Variants in FUNDC1 observed in about 807,000 individuals in gnomAD.
The protein encoded by FUNDC1 is FUN14 domain-containing protein 1.
Under a neutral mutation model 14.5 loss-of-function variants are expected in FUNDC1, and 10 were observed. The ratio of observed to expected loss-of-function variants is 0.69; its 90% CI spans 0.43 to 1.17. The LOEUF is 1.17. Ranked by LOEUF, FUNDC1 falls within the 50% of genes most tolerant of loss-of-function variation. The pLI is 0.00. For missense variants in FUNDC1, 115 were observed against 113.8 expected (o/e 1.01, Z -0.05); for synonymous variants, 33 against 39.7 (o/e 0.83, Z 0.64).
At chrX:44,527,728 T>C (rs2038907844) in intron 3 of FUNDC1, among the ~76,000 whole-genome samples, 1 of 111,954 alleles carries the variant, frequency 8.9e-6, no homozygotes, top group African/African-American at 3.2e-5. Flanking sequence ...CCTTTTGGAA[T>C]AGGGAATTAG....
chrX:44,539,022 C>T (rs965336812), intron 2 of FUNDC1, among the ~76,000 whole-genome samples: 5 of 111,802 alleles, frequency 4.5e-5, no homozygotes, highest in Middle Eastern at 9.3e-3. Context: ...TTCTTCCTAG[C>T]TCTACCTATC....
At chrX:44,529,558 G>A (rs958345279) in intron 3 of FUNDC1, among the ~76,000 whole-genome samples, 1 of 111,304 alleles carries the variant, frequency 9.0e-6, no homozygotes, top group African/African-American at 3.3e-5. Context: ...TATATCCCTA[G>A]AGTCCCAACT....
intron 4 of FUNDC1, 56 bp downstream of exon 4, chrX:44,527,181 C>T: frequency 1.1e-6 from 1 of 945,195 alleles, no homozygotes; most frequent in East Asian, 3.2e-5. Flanking sequence ...TAAGGGATAC[C>T]CATTAACCAA....
At chrX:44,536,137 C>A (rs1470568742) in intron 3 of FUNDC1, among the ~76,000 whole-genome samples, 2 of 109,571 alleles carry the variant, frequency 1.8e-5, no homozygotes, top group East Asian at 5.7e-4. Context: ...GATGGTGAAA[C>A]CCCATCTCTA....
chrX:44,535,218 T>C (rs1273837685), intron 3 of FUNDC1, among the ~76,000 whole-genome samples: 3 of 110,646 alleles, frequency 2.7e-5, no homozygotes, highest in Non-Finnish European at 5.7e-5. Flanking sequence ...CCAGAAGGTA[T>C]TGAAGAGAGA....
In FUNDC1 at chrX:44,541,501, C is replaced by G. The variant is rs60924976; in HGVS notation, c.185+444G>C. Reference sequence around the variant, plus strand: ...TCTGTATCATCACCAATAATTCATACTGAGCATTTTACACTGCTCTGTACA... The same window carrying G: ...TCTGTATCATCACCAATAATTCATAGTGAGCATTTTACACTGCTCTGTACA... On this transcript the variant is annotated intron_variant, in intron 2 of 4. Transcript: ENST00000378045. Among the ~76,000 whole-genome samples, 94 of 112,154 alleles carry G rather than the reference C, an allele frequency of 8.4e-4. No homozygotes were observed. In the East Asian group the frequency reaches 0.024, roughly 29 times the overall value.
In FUNDC1 at chrX:44,538,541, A is replaced by T. The variant is rs1601904096; in HGVS notation, c.187T>A (p.Cys63Ser). ...QIVMGGVTGW[C>S]AGFLFQKVGK... ...ACTTTCTGGAACAGAAATCCTGCAC[A>T]CCTTTAATCAAATAACAAAAGATGA... The change falls in exon 3 of 5, where the codon TGT becomes AGT. Residue 63 changes from cysteine to serine, a missense_variant and splice_region_variant. Physicochemically the swap from Cys to Ser is moderately radical, Grantham distance 112. Transcript: ENST00000378045. 1 of 1,186,027 alleles carries T rather than the reference A, an allele frequency of 8.4e-7. No homozygotes were observed. Among genetic ancestry groups the T allele is most frequent in the East Asian group, 3.0e-5 (1 of 33,747 alleles).
intron 3 of FUNDC1, among the ~76,000 whole-genome samples, chrX:44,535,530 C>CTT: frequency 9.4e-6 from 1 of 106,769 alleles, no homozygotes; most frequent in African/African-American, 3.4e-5. Context: ...GTTAGCCGGG[C>CTT]TTGGTGGCGG....
intron 2 of FUNDC1, among the ~76,000 whole-genome samples, chrX:44,541,431 CAA>C (rs2038970899): frequency 9.0e-6 from 1 of 111,241 alleles, no homozygotes; most frequent in African/African-American, 3.3e-5. Flanking sequence ...AGCTCTTTTT[CAA>C]AGAGTTATCA....
chrX:44,531,868 T>C (rs1378647986), intron 3 of FUNDC1, among the ~76,000 whole-genome samples: 1 of 109,729 alleles, frequency 9.1e-6, no homozygotes, highest in Non-Finnish European at 1.9e-5. Flanking sequence ...AAAGAGCTCT[T>C]AATGGCCAAA....
intron 4 of FUNDC1, among the ~76,000 whole-genome samples, chrX:44,526,992 C>T (rs5953431): frequency 9.4e-6 from 1 of 106,744 alleles, no homozygotes; most frequent in African/African-American, 3.4e-5. Context: ...TTAGTTTTTA[C>T]AACAAGATCA....
chrX:44,527,225 A>T lies in FUNDC1; in HGVS notation c.390+12T>A. 1 of 1,139,922 alleles carries T rather than the reference A, an allele frequency of 8.8e-7. No individual in the cohort carries two copies. The allele number at this position is 1,139,922 out of a possible 1,213,427, so 93.9% of individuals were successfully genotyped here. ...AAAAAAAAAAAAAAGTCAAAATTATATATCATCTTACTTCTTCAATTAAAT... is the reference window on the plus strand; with the variant it reads ...AAAAAAAAAAAAAAGTCAAAATTATTTATCATCTTACTTCTTCAATTAAAT... On this transcript the variant is annotated intron_variant, in intron 4 of 4. Transcript: ENST00000378045.
At chrX:44,526,345 G>A (rs1204742975) in intron 4 of FUNDC1, among the ~76,000 whole-genome samples, 2 of 109,016 alleles carry the variant, frequency 1.8e-5, no homozygotes, top group East Asian at 5.8e-4. Flanking sequence ...CAGGAGAATC[G>A]CTTGAACCCG....
intron 4 of FUNDC1, among the ~76,000 whole-genome samples, chrX:44,526,399 C>T (rs954189769): frequency 6.6e-4 from 70 of 106,665 alleles, no homozygotes; most frequent in African/African-American, 2.3e-3. Flanking sequence ...CACTGCACTC[C>T]AGCCTGGGCT....
chrX:44,531,247 AACAC>A (rs759868973), intron 3 of FUNDC1, among the ~76,000 whole-genome samples: 597 of 50,365 alleles, frequency 0.012, 21 homozygotes, highest in African/African-American at 0.015. Context: ...TTTCCAGAAA[AACAC>A]ACACACACAC....
At chrX:44,533,627 C>CAAA (rs1156843539) in intron 3 of FUNDC1, among the ~76,000 whole-genome samples, 114 of 17,043 alleles carry the variant, frequency 6.7e-3, no homozygotes, top group Non-Finnish European at 8.1e-3. Flanking sequence ...GACTCCGTCT[C>CAAA]AAAAAAAAAA....
intron 3 of FUNDC1, among the ~76,000 whole-genome samples, chrX:44,535,123 C>G (rs2038942151): frequency 9.1e-6 from 1 of 110,312 alleles, no homozygotes; most frequent in Admixed American, 9.7e-5. Context: ...CTAGCCTGGG[C>G]AACAGAGCAA....
In FUNDC1 at chrX:44,534,768, C is replaced by T. The variant is rs182629590; in HGVS notation, c.261+3699G>A. Among the ~76,000 whole-genome samples, 3 of 112,113 alleles carry T rather than the reference C, an allele frequency of 2.7e-5. No homozygotes were observed. The Admixed American group carries it at 2.9e-4, about 11-fold the overall frequency. Reference sequence around the variant, plus strand: ...TAAAATGAAGAAATTTTCAGACATGCAAAGTCTCAAAAACTATAGTTCCCA... The same window carrying T: ...TAAAATGAAGAAATTTTCAGACATGTAAAGTCTCAAAAACTATAGTTCCCA... On this transcript the variant is annotated intron_variant, in intron 3 of 4. Transcript: ENST00000378045.
At chrX:44,524,338 C>T in intron 4 of FUNDC1, 63 bp from the exon 5 acceptor site, 1 of 760,938 alleles carries the variant, frequency 1.3e-6, no homozygotes, top group Non-Finnish European at 2.0e-6. Flanking sequence ...ACCTTGAAAA[C>T]ATTATGCAAA....
Sources: gnomAD v4.1 joint callset for allele counts (sites outside exome capture counted in the v4.1 genomes callset) on GRCh38, gnomAD v4.1.1 for gene constraint, MANE v1.5 for transcripts, NCBI Gene and HGNC (gene_info 2026-07-23, HGNC 2026-07-21) for gene names.